ICOS: variants seen among roughly 807,000 people sequenced by gnomAD.
The protein encoded by ICOS is inducible T cell costimulator, also known as inducible T-cell costimulator.
In ICOS, 15 loss-of-function variants were observed where a neutral mutation model predicts 24.6. The ratio of observed to expected loss-of-function variants is 0.61; its 90% CI spans 0.41 to 0.94. The LOEUF (loss-of-function observed/expected upper bound fraction) is 0.94, where lower values mean the gene tolerates loss of function less well. ICOS is among the 40% of genes least tolerant of loss of function. The pLI is 0.00. For missense variants in ICOS, 200 were observed against 233.0 expected (o/e 0.86, Z 0.92); for synonymous variants, 89 against 77.5 (o/e 1.15, Z -0.78).
chr2:203,944,035 G>A (rs1410077799), intron 1 of ICOS, among the ~76,000 whole-genome samples: 2 of 152,156 alleles, frequency 1.3e-5, no homozygotes, highest in Non-Finnish European at 2.9e-5. Flanking sequence ...CAAAGGGCAA[G>A]ACTGGCTTGA....
chr2:203,954,566 G>A (rs974464835), intron 1 of ICOS, among the ~76,000 whole-genome samples: 1 of 151,776 alleles, frequency 6.6e-6, no homozygotes, highest in African/African-American at 2.4e-5. Flanking sequence ...TGTAGCCTGG[G>A]GAACAGAGTA....
intron 1 of ICOS, among the ~76,000 whole-genome samples, chr2:203,947,357 G>T (rs1689891162): frequency 6.6e-6 from 1 of 151,988 alleles, no homozygotes; most frequent in East Asian, 1.9e-4. Context: ...TTGCCAGGCT[G>T]GAGTGCAGTG....
intron 1 of ICOS, among the ~76,000 whole-genome samples, chr2:203,942,088 A>T (rs1312766751): frequency 1.3e-5 from 2 of 152,218 alleles, no homozygotes; most frequent in Non-Finnish European, 2.9e-5. Context: ...TATTTGAGTC[A>T]TGTTGACACA....
chr2:203,944,324 G>T (rs890850587), intron 1 of ICOS, among the ~76,000 whole-genome samples: 1 of 152,160 alleles, frequency 6.6e-6, no homozygotes, highest in Admixed American at 6.5e-5. Context: ...CCTTTCTGCA[G>T]CTTCCTCTAC....
rs745935763 is a variant in ICOS, at chr2:203,936,788, G to A, written c.-27G>A. 8 of 1,594,538 alleles carry A rather than the reference G, an allele frequency of 5.0e-6. No homozygotes were observed. Among genetic ancestry groups the A allele is most frequent in the South Asian group, 3.3e-5 (3 of 90,728 alleles). ...ACTGTCAGCTTTGAACACTGAACGCGAGGACTGTTAACTGTTTCTGGCAAA... is the reference window on the plus strand; with the variant it reads ...ACTGTCAGCTTTGAACACTGAACGCAAGGACTGTTAACTGTTTCTGGCAAA... On this transcript the variant is annotated 5_prime_UTR_variant, in exon 1 of 5. Transcript: ENST00000316386.
At position 203,960,034 on chromosome 2, in the gene ICOS, T is replaced by C. The variant is rs1690149857; in HGVS notation, c.*435T>C. The C allele has an allele frequency of 3.3e-6, 1 of 305,874 alleles. No individual in the cohort carries two copies. Among genetic ancestry groups the C allele is most frequent in the Non-Finnish European group, 6.4e-6 (1 of 156,798 alleles). The allele number at this position is 305,874 out of a possible 1,614,324, so 18.9% of individuals were successfully genotyped here. A position where few individuals can be genotyped will look rare whatever the true frequency, so the allele number is the denominator to read the frequency against. On this transcript the variant is annotated 3_prime_UTR_variant, in exon 5 of 5. Coordinates refer to ENST00000316386, the MANE Select transcript of ICOS (RefSeq NM_012092.4). ...ACTATCATACTACCTCTTCTTTCTG[T>C]AGGGATGAGAATTCCTCTTTTAATC...
At chr2:203,941,420 G>T (rs1689773705) in intron 1 of ICOS, among the ~76,000 whole-genome samples, 1 of 152,166 alleles carries the variant, frequency 6.6e-6, no homozygotes, top group African/African-American at 2.4e-5. Flanking sequence ...ATGCAGGCAT[G>T]TAGGGGGGAC....
At chr2:203,947,188 A>C (rs1177680762) in intron 1 of ICOS, among the ~76,000 whole-genome samples, 2 of 152,242 alleles carry the variant, frequency 1.3e-5, no homozygotes, top group Non-Finnish European at 2.9e-5. Context: ...CCAAAAGAAG[A>C]AGAAAATGTT....
chr2:203,947,980 G>A (rs957543977), intron 1 of ICOS, among the ~76,000 whole-genome samples: 1 of 152,070 alleles, frequency 6.6e-6, no homozygotes, highest in African/African-American at 2.4e-5. Context: ...GTCATATATT[G>A]GGCAAATGTA....
intron 4 of ICOS, among the ~76,000 whole-genome samples, chr2:203,959,106 A>G (rs994254970): frequency 1.3e-5 from 2 of 152,182 alleles, no homozygotes; most frequent in African/African-American, 4.8e-5. Flanking sequence ...CTCTTGAAGG[A>G]TGGCAACCAC....
At chr2:203,945,457 T>A (rs1689851719) in intron 1 of ICOS, among the ~76,000 whole-genome samples, 1 of 152,202 alleles carries the variant, frequency 6.6e-6, no homozygotes, top group South Asian at 2.1e-4. Context: ...CACGTGCCAC[T>A]TGACGATGGG....
intron 1 of ICOS, among the ~76,000 whole-genome samples, chr2:203,941,053 C>T (rs1165252906): frequency 3.3e-5 from 5 of 152,330 alleles, no homozygotes; most frequent in East Asian, 1.9e-4. Context: ...GCCTCCGCCT[C>T]CCAAAGTGCT....
intron 1 of ICOS, among the ~76,000 whole-genome samples, chr2:203,941,259 T>C (rs892711902): frequency 3.3e-5 from 5 of 152,344 alleles, no homozygotes; most frequent in Admixed American, 6.5e-5. Context: ...TATTCTTATG[T>C]AAGATCTTGA....
chr2:203,959,620 G>C lies in ICOS; in HGVS notation c.*21G>C, dbSNP rs879447763. ...TATAATATGGAACTCTGGCACCCAG[G>C]CATGAAGCACGTTGGCCAGTTTTCC... On this transcript the variant is annotated 3_prime_UTR_variant, in exon 5 of 5. Coordinates refer to ENST00000316386, the MANE Select transcript of ICOS (RefSeq NM_012092.4). 2.5e-6 allele frequency: 4 copies of C among 1,612,168 alleles called. No homozygotes were observed. Among genetic ancestry groups the C allele is most frequent in the Non-Finnish European group, 3.4e-6 (4 of 1,178,466 alleles).
chr2:203,958,603 C>T (rs1690118013), intron 4 of ICOS, among the ~76,000 whole-genome samples: 1 of 152,108 alleles, frequency 6.6e-6, no homozygotes, highest in Non-Finnish European at 1.5e-5. Context: ...CTGCATTTTT[C>T]CACCCCTCAG....
chr2:203,943,441 AC>A (rs1161908079), intron 1 of ICOS, among the ~76,000 whole-genome samples: 1 of 151,828 alleles, frequency 6.6e-6, no homozygotes, highest in Admixed American at 6.6e-5. Context: ...GGGTCTAGCC[AC>A]CCAGCAAATC....
At chr2:203,956,995 A>G (rs1374516187) in intron 3 of ICOS, among the ~76,000 whole-genome samples, 10 of 152,100 alleles carry the variant, frequency 6.6e-5, no homozygotes, top group East Asian at 1.9e-4. Flanking sequence ...GCTTACAGAG[A>G]GTTACATTAT....
intron 3 of ICOS, among the ~76,000 whole-genome samples, chr2:203,957,153 G>A (rs1690091240): frequency 6.6e-6 from 1 of 152,164 alleles, no homozygotes; most frequent in Non-Finnish European, 1.5e-5. Context: ...GTTCCTGAGA[G>A]GCAGGGCAGA....
At chr2:203,947,355 C>G (rs1285776211) in intron 1 of ICOS, among the ~76,000 whole-genome samples, 1 of 152,048 alleles carries the variant, frequency 6.6e-6, no homozygotes, top group South Asian at 2.1e-4. Context: ...TGTTGCCAGG[C>G]TGGAGTGCAG....
Sources: allele counts gnomAD v4.1 joint callset (sites outside exome capture counted in the v4.1 genomes callset), GRCh38; gene constraint gnomAD v4.1.1; transcripts MANE v1.5; gene names NCBI Gene and HGNC (gene_info 2026-07-23, HGNC 2026-07-21).